Variants in RIT2 observed in about 807,000 individuals in gnomAD.
The protein encoded by RIT2 is Ras like without CAAX 2, also known as GTP-binding protein Rit2.
RIT2 carries 24 observed loss-of-function variants against 23.7 expected under a neutral mutation model. That is an observed-to-expected ratio of 1.01 (90% CI 0.73 to 1.43). The LOEUF (loss-of-function observed/expected upper bound fraction) is 1.43, where lower values mean the gene tolerates loss of function less well. Ranked by LOEUF, RIT2 falls within the 40% of genes most tolerant of loss-of-function variation. RIT2 has a pLI of 0.00. For missense variants in RIT2, 236 were observed against 266.9 expected, an observed-to-expected ratio of 0.88 and a Z score of 0.81; for synonymous variants, 107 against 91.1, an observed-to-expected ratio of 1.17 and a Z score of -0.99.
At chr18:42,767,097 A>G (rs1913441586) in intron 4 of RIT2, among the ~76,000 whole-genome samples, 1 of 152,216 alleles carries the variant, frequency 6.6e-6, no homozygotes, top group South Asian at 2.1e-4. Context: ...CCCCACACAG[A>G]GTCCCTACTG....
chr18:42,762,623 T>C (rs904444663), intron 4 of RIT2, among the ~76,000 whole-genome samples: 2 of 152,198 alleles, frequency 1.3e-5, no homozygotes, highest in Non-Finnish European at 2.9e-5. Context: ...CAAAGTGACC[T>C]GAATTCACTC....
intron 4 of RIT2, among the ~76,000 whole-genome samples, chr18:42,764,393 G>A (rs1162331132): frequency 6.6e-6 from 1 of 152,076 alleles, no homozygotes; most frequent in Non-Finnish European, 1.5e-5. Flanking sequence ...TCCAAGAGTA[G>A]AACCAACATT....
chr18:43,050,034 T>C (rs1468967742), intron 1 of RIT2, among the ~76,000 whole-genome samples: 2 of 147,890 alleles, frequency 1.4e-5, no homozygotes, highest in African/African-American at 5.0e-5. Flanking sequence ...TTGCTTTTTA[T>C]TTGTTTGTCT....
chr18:42,848,094 G>A (rs1229624036), intron 4 of RIT2, among the ~76,000 whole-genome samples: 1 of 151,918 alleles, frequency 6.6e-6, no homozygotes, highest in South Asian at 2.1e-4. Flanking sequence ...TCTGGGAGCT[G>A]TCTAGCCAAG....
At position 42,990,009 on chromosome 18, in the gene RIT2, ATGTGTGTG is replaced by A. The variant is rs5824463; in HGVS notation, c.161-15870_161-15863del. Among the ~76,000 whole-genome samples the A allele has an allele frequency of 2.3e-3, 347 of 148,552 alleles. 8 individuals are homozygous for A. The East Asian group carries it at 0.033, about 14-fold the overall frequency. ...TATTACACGTTCTGTATTTACAGATATGTGTGTGTGTGTGTGTGTGTGTGTGTGTGTGT... is the reference window on the plus strand; with the variant it reads ...TATTACACGTTCTGTATTTACAGATATGTGTGTGTGTGTGTGTGTGTGTGT... On this transcript the variant is annotated intron_variant, in intron 2 of 4. Transcript: ENST00000326695.
At chr18:43,036,527 C>A (rs777558247) in intron 1 of RIT2, among the ~76,000 whole-genome samples, 34 of 152,058 alleles carry the variant, frequency 2.2e-4, no homozygotes, top group Non-Finnish European at 3.8e-4. Flanking sequence ...GTGACACAGC[C>A]AGACTCCATC....
chr18:42,775,622 G>A (rs1435773219), intron 4 of RIT2, among the ~76,000 whole-genome samples: 1 of 152,044 alleles, frequency 6.6e-6, no homozygotes, highest in African/African-American at 2.4e-5. Flanking sequence ...GCGTGAACCC[G>A]GGAGGCGGAG....
At chr18:42,776,624 T>C (rs1416928047) in intron 4 of RIT2, among the ~76,000 whole-genome samples, 1 of 152,152 alleles carries the variant, frequency 6.6e-6, no homozygotes, top group African/African-American at 2.4e-5. Flanking sequence ...AACAAACTTA[T>C]GAAGTAATAC....
chr18:42,932,960 TCTTA>T (rs1486448534), intron 3 of RIT2, among the ~76,000 whole-genome samples: 1 of 152,146 alleles, frequency 6.6e-6, no homozygotes, highest in Non-Finnish European at 1.5e-5. Context: ...ATTATATCTT[TCTTA>T]TTTTCTTTTT....
At chr18:42,855,963 CA>C in intron 4 of RIT2, among the ~76,000 whole-genome samples, 1 of 151,980 alleles carries the variant, frequency 6.6e-6, no homozygotes, top group Admixed American at 6.6e-5. Context: ...TGTTGGGGCT[CA>C]AAAAATACCC....
At chr18:42,768,126 T>G (rs1411797136) in intron 4 of RIT2, among the ~76,000 whole-genome samples, 1 of 152,102 alleles carries the variant, frequency 6.6e-6, no homozygotes, top group Non-Finnish European at 1.5e-5. Flanking sequence ...TAAGATGCAG[T>G]GATTTTTTAA....
intron 4 of RIT2, among the ~76,000 whole-genome samples, chr18:42,888,773 G>A (rs111253740): frequency 0.11 from 16,147 of 152,050 alleles, 973 homozygotes; most frequent in Middle Eastern, 0.24. Context: ...CATGAATGGA[G>A]CTGGAAGCCA....
At chr18:42,983,690 T>G (rs1284534443) in intron 2 of RIT2, among the ~76,000 whole-genome samples, 1 of 151,932 alleles carries the variant, frequency 6.6e-6, no homozygotes, top group Non-Finnish European at 1.5e-5. Flanking sequence ...TACAAAGTGA[T>G]CAAAAGACAG....
At chr18:42,783,874 A>G (rs529270418) in intron 4 of RIT2, among the ~76,000 whole-genome samples, 3 of 152,080 alleles carry the variant, frequency 2.0e-5, no homozygotes, top group South Asian at 2.1e-4. Context: ...ATTTATATCA[A>G]CTCCATGATG....
At chr18:43,062,102 A>G in intron 1 of RIT2, among the ~76,000 whole-genome samples, 1 of 152,072 alleles carries the variant, frequency 6.6e-6, no homozygotes, top group South Asian at 2.1e-4. Flanking sequence ...TCCTGGCACT[A>G]CTTTCCCTGG....
At chr18:42,932,220 G>T (rs958119292) in intron 3 of RIT2, among the ~76,000 whole-genome samples, 3 of 152,058 alleles carry the variant, frequency 2.0e-5, no homozygotes, top group African/African-American at 4.8e-5. Flanking sequence ...AGATTACAAG[G>T]TTCTTGACCA....
chr18:43,030,100 T>C (rs1911820300), intron 2 of RIT2, among the ~76,000 whole-genome samples: 1 of 152,086 alleles, frequency 6.6e-6, no homozygotes, highest in Non-Finnish European at 1.5e-5. Context: ...AGTAATAACA[T>C]ATTGGGCATT....
intron 4 of RIT2, among the ~76,000 whole-genome samples, chr18:42,890,042 T>C (rs914419093): frequency 1.3e-5 from 2 of 152,110 alleles, no homozygotes; most frequent in African/African-American, 4.8e-5. Flanking sequence ...TTAGGCAGTA[T>C]TGTATGATGC....
chr18:42,915,643 C>T (rs1908888686), intron 4 of RIT2, among the ~76,000 whole-genome samples: 1 of 151,982 alleles, frequency 6.6e-6, no homozygotes, highest in Non-Finnish European at 1.5e-5. Context: ...TGAGGAAACA[C>T]AAGCTCTGTT....
Sources: allele counts gnomAD v4.1 joint callset (sites outside exome capture counted in the v4.1 genomes callset), GRCh38; gene constraint gnomAD v4.1.1; transcripts MANE v1.5; gene names NCBI Gene and HGNC (gene_info 2026-07-23, HGNC 2026-07-21).